The following MRAS variants were observed in gnomAD, a reference collection of about 807,000 sequenced individuals.
MRAS encodes the protein ras-related protein M-Ras.
Under a neutral mutation model 20.9 loss-of-function variants are expected in MRAS, and 4 were observed. The ratio of observed to expected loss-of-function variants is 0.19; its 90% CI spans 0.09 to 0.44. The LOEUF is 0.44. Among genes scored for constraint, MRAS ranks in the 20% least tolerant of loss-of-function variants. The pLI, the probability that MRAS is intolerant of heterozygous loss-of-function variation, is 0.99. For missense variants in MRAS, 154 were observed against 277.5 expected (o/e 0.56, Z 3.16); for synonymous variants, 98 against 102.9 (o/e 0.95, Z 0.29).
chr3:138,366,958 G>T (rs752268998), intron 1 of MRAS, among the ~76,000 whole-genome samples: 11 of 152,248 alleles, frequency 7.2e-5, no homozygotes, highest in Admixed American at 6.5e-5. Flanking sequence ...AATGGGTGCA[G>T]TGGTTTTAGG....
rs763721784 is a variant in MRAS, at chr3:138,402,252, C to G, written c.610C>G (p.Gln204Glu). 1 of 1,614,212 alleles carries G rather than the reference C, an allele frequency of 6.2e-7. No individual in the cohort carries two copies. ...GDRATGTHKLQCVIL is the reference protein window; with the variant it reads ...GDRATGTHKLECVIL ...CCGGGCCACAGGCACCCACAAACTGCAATGTGTGATCTTGTGACAGGCCTG... is the reference window on the plus strand; with the variant it reads ...CCGGGCCACAGGCACCCACAAACTGGAATGTGTGATCTTGTGACAGGCCTG... The change falls in exon 6 of 6, where the codon CAA (glutamine) becomes GAA (glutamate). Residue 204 changes from glutamine to glutamate, a missense_variant. This residue lies in a region of MRAS where 125 missense variants were observed against 213.5 expected (regional missense o/e 0.59). Transcript: ENST00000423968.
intron 1 of MRAS, 49 bp from the exon 2 acceptor site, chr3:138,372,817 C>T (rs1249314825): frequency 1.5e-6 from 2 of 1,317,240 alleles, no homozygotes; most frequent in Non-Finnish European, 2.0e-6. Context: ...ATATTTTCCC[C>T]TAAGTTAAAA....
chr3:138,361,067 C>G (rs1429936620), intron 1 of MRAS, among the ~76,000 whole-genome samples: 2 of 152,210 alleles, frequency 1.3e-5, no homozygotes, highest in Non-Finnish European at 2.9e-5. Flanking sequence ...CTGCGGAGCA[C>G]TTGCGCTGCC....
intron 1 of MRAS, among the ~76,000 whole-genome samples, chr3:138,366,332 A>G (rs1423636843): frequency 6.6e-6 from 1 of 152,244 alleles, no homozygotes; most frequent in Non-Finnish European, 1.5e-5. Flanking sequence ...CTCAACGTGA[A>G]TGAAAGTCCA....
chr3:138,362,685 T>G (rs1321219175), intron 1 of MRAS, among the ~76,000 whole-genome samples: 1 of 152,146 alleles, frequency 6.6e-6, no homozygotes, highest in Non-Finnish European at 1.5e-5. Context: ...CCAGCACATG[T>G]GAGGCCCATC....
chr3:138,397,547 CTCTCTT>C (rs1447922571), intron 3 of MRAS, 70 bp downstream of exon 3: 5 of 1,539,764 alleles, frequency 3.2e-6, no homozygotes, highest in Admixed American at 3.6e-5. Flanking sequence ...CTCTCTCTCT[CTCTCTT>C]TCTCTTTCTC....
intron 2 of MRAS, among the ~76,000 whole-genome samples, chr3:138,389,683 G>T (rs73227594): frequency 0.029 from 4,331 of 151,906 alleles, 92 homozygotes; most frequent in Non-Finnish European, 0.042. Context: ...CCTGGTGCAT[G>T]GCCTTTAGTG....
At position 138,379,357 on chromosome 3, in the gene MRAS, CTTTTTTT is replaced by C. The variant is rs35120152; in HGVS notation, c.193+6299_193+6305del. Among the ~76,000 whole-genome samples the C allele has an allele frequency of 1.4e-4, 11 of 77,598 alleles. No homozygotes were observed. The Admixed American group carries it at 1.5e-3, about 10-fold the overall frequency. 50.9% of individuals were successfully genotyped at this position (77,598 alleles called of 152,430 possible). On this transcript the variant is annotated intron_variant, in intron 2 of 5. Transcript: ENST00000423968. ...CATGTTGCTGCAAATGACAGAATGT[CTTTTTTT>C]TTTTTTTTTTTTTTTTTGAGACGGA...
In MRAS at chr3:138,404,949, T is replaced by C. The variant is rs2055429480; in HGVS notation, c.*2680T>C. ...CCCCTGGAGCACAGCCTTCCTGAAA[T>C]GCCCTCACCCCATGCCTTTGCCATT... On this transcript the variant is annotated 3_prime_UTR_variant, in exon 6 of 6. Transcript: ENST00000423968. 2 of 152,258 alleles carry C rather than the reference T, an allele frequency of 1.3e-5. No homozygotes were observed. The highest frequency in any genetic ancestry group is 4.8e-5 in the African/African-American group (2 of 41,444). The allele number at this position is 152,258 out of a possible 1,614,324, so 9.4% of individuals were successfully genotyped here. A position where few individuals can be genotyped will look rare whatever the true frequency, so the allele number is the denominator to read the frequency against.
intron 1 of MRAS, among the ~76,000 whole-genome samples, chr3:138,351,291 C>A (rs1279452172): frequency 6.6e-6 from 1 of 152,166 alleles, no homozygotes; most frequent in Non-Finnish European, 1.5e-5. Flanking sequence ...CTCATGTGAA[C>A]TGAATGGGAA....
intron 2 of MRAS, among the ~76,000 whole-genome samples, chr3:138,381,541 C>T (rs1345301887): frequency 6.6e-6 from 1 of 152,242 alleles, no homozygotes; most frequent in East Asian, 1.9e-4. Context: ...CCTCTGGCTC[C>T]CAGCCCCGCC....
At chr3:138,384,433 C>T (rs1198572985) in intron 2 of MRAS, among the ~76,000 whole-genome samples, 2 of 152,080 alleles carry the variant, frequency 1.3e-5, no homozygotes, top group Non-Finnish European at 2.9e-5. Flanking sequence ...GAGGAAACGA[C>T]AGGATTTGTC....
intron 1 of MRAS, among the ~76,000 whole-genome samples, chr3:138,364,888 G>T (rs909022766): frequency 1.3e-5 from 2 of 152,224 alleles, no homozygotes; most frequent in African/African-American, 4.8e-5. Context: ...GACCTTGGGG[G>T]TGTCTTCTAC....
intron 2 of MRAS, among the ~76,000 whole-genome samples, chr3:138,389,423 G>A (rs2055082738): frequency 6.6e-6 from 1 of 151,212 alleles, no homozygotes; most frequent in South Asian, 2.1e-4. Context: ...AAAGATGGAG[G>A]TCAGAGGCTG....
chr3:138,377,039 A>G (rs2054797698), intron 2 of MRAS, among the ~76,000 whole-genome samples: 1 of 152,196 alleles, frequency 6.6e-6, no homozygotes, highest in Admixed American at 6.5e-5. Context: ...TTTCCTCAAG[A>G]TTGAATGTTT....
chr3:138,350,301 T>G (rs2054200530), intron 1 of MRAS: 1 of 152,248 alleles, frequency 6.6e-6, no homozygotes, highest in Non-Finnish European at 1.5e-5. Flanking sequence ...TGAAAATGTT[T>G]CGGGCAATGG....
At chr3:138,382,797 T>C (rs2054932633) in intron 2 of MRAS, among the ~76,000 whole-genome samples, 1 of 152,236 alleles carries the variant, frequency 6.6e-6, no homozygotes, top group South Asian at 2.1e-4. Flanking sequence ...AATCAGGTCA[T>C]ATATGCCAGT....
chr3:138,364,934 T>C (rs1440642640), intron 1 of MRAS, among the ~76,000 whole-genome samples: 1 of 152,220 alleles, frequency 6.6e-6, no homozygotes, highest in African/African-American at 2.4e-5. Context: ...CTGACCTCTT[T>C]CCAGCACTCC....
chr3:138,388,951 C>T (rs1304564987), intron 2 of MRAS, among the ~76,000 whole-genome samples: 5 of 151,978 alleles, frequency 3.3e-5, no homozygotes, highest in Admixed American at 3.3e-4. Context: ...AAGCGATTCT[C>T]CTGCCTCAGC....
Sources: allele counts gnomAD v4.1 joint callset (sites outside exome capture counted in the v4.1 genomes callset), GRCh38; gene constraint gnomAD v4.1.1; regional missense constraint gnomAD v4.1.1; transcripts MANE v1.5; gene names NCBI Gene and HGNC (gene_info 2026-07-23, HGNC 2026-07-21).